The following MYH8 variants were observed in gnomAD, a reference collection of about 807,000 sequenced individuals.
MYH8 encodes the protein myosin-8.
MYH8 carries 168 observed loss-of-function variants against 233.2 expected under a neutral mutation model. That is an observed-to-expected ratio of 0.72 (90% CI 0.64 to 0.82). The LOEUF is 0.82. MYH8 is among the 40% of genes least tolerant of loss of function. The pLI is 0.00. For missense variants in MYH8, 1,995 were observed against 2,327.8 expected (o/e 0.86, Z 2.94); for synonymous variants, 785 against 850.6 (o/e 0.92, Z 1.34).
At chr17:10,416,708 A>G (rs1306549312) in intron 5 of MYH8, among the ~76,000 whole-genome samples, 1 of 152,226 alleles carries the variant, frequency 6.6e-6, no homozygotes, top group Non-Finnish European at 1.5e-5. Context: ...ATTCAAACAT[A>G]TACAGAAGTA....
Position 10,400,659 on chromosome 17 carries a change from C to G in MYH8, c.3466G>C (p.Ala1156Pro). ...LEEISERLEEAGGATSAQVEL... is the reference protein window; with the variant it reads ...LEEISERLEEPGGATSAQVEL... ...ACCTGAGCAGAAGTTGCCCCACCGG[C>G]TTCTTCCAGCCTCTCGCTGATCTCC... The change falls in exon 27 of 40, where the codon GCC (alanine) becomes CCC (proline). Residue 1156 changes from alanine to proline, a missense_variant. Ala to Pro is a conservative substitution (Grantham distance 27, BLOSUM62 -1). Transcript: ENST00000403437. This position sits in a 1 kb window ranked among gnomAD's most constrained non-coding sequence, Gnocchi z 4.0. 6.2e-7 allele frequency: 1 copy of G among 1,614,228 alleles called. No homozygotes were observed. The highest frequency in any genetic ancestry group is 8.5e-7 in the Non-Finnish European group (1 of 1,180,040).
rs775263963 is a variant in MYH8, at chr17:10,404,586, C to G, written c.2433-1G>C. 1.2e-6 allele frequency: 2 copies of G among 1,613,816 alleles called. No homozygotes were observed. The highest frequency in any genetic ancestry group is 1.3e-5 in the African/African-American group (1 of 74,910). ...ATACTGGATGCAGAAAAGTGCTTCT[C>G]TGCGATGACATGAAAATATCAGTGT... On this transcript the variant is annotated splice_acceptor_variant, in intron 21 of 39. Coordinates refer to ENST00000403437, the MANE Select transcript of MYH8 (RefSeq NM_002472.3). LOFTEE classifies it high-confidence loss of function.
intron 28 of MYH8, among the ~76,000 whole-genome samples, chr17:10,399,276 T>C (rs1399886653): frequency 6.6e-6 from 1 of 152,022 alleles, no homozygotes; most frequent in Non-Finnish European, 1.5e-5. Context: ...TGTCTGTTTG[T>C]GTGTGATGTG....
At chr17:10,397,096 T>C in intron 30 of MYH8, 110 bp from the exon 31 acceptor site, 1 of 1,319,374 alleles carries the variant, frequency 7.6e-7, no homozygotes, top group Non-Finnish European at 1.1e-6. Flanking sequence ...TTGTTTCTTT[T>C]TTTGAGAGAC....
intron 19 of MYH8, 128 bp downstream of exon 19, chr17:10,406,562 G>A: frequency 2.2e-6 from 3 of 1,341,428 alleles, no homozygotes; most frequent in African/African-American, 1.4e-5. Flanking sequence ...TCTGTTGCAT[G>A]CCTGCTTCCT....
chr17:10,395,206 A>T lies in MYH8; in HGVS notation c.4889T>A (p.Ile1630Asn). The T allele has an allele frequency of 6.2e-7, 1 of 1,614,064 alleles. No homozygotes were observed. Among genetic ancestry groups the T allele is most frequent in the Non-Finnish European group, 8.5e-7 (1 of 1,180,028 alleles). Reference protein sequence around the residue: ...KMEGDLNEMEIQLNHANRLAA... With the variant: ...KMEGDLNEMENQLNHANRLAA... ...TAAGCGATTGGCATGGTTCAGCTGG[A>T]TTTCCATTTCATTCAGATCTCCTTC... is the stretch of plus-strand genomic sequence containing the variant. The change falls in exon 34 of 40, where the codon ATC becomes AAC. Residue 1630 changes from isoleucine (I) to asparagine (N), a missense_variant. Ile to Asn is a moderately radical substitution (Grantham distance 149, BLOSUM62 -3). Around this residue, in one of 3 missense-constraint regions of MYH8, gnomAD observed 1,498 missense variants for 1,680.9 expected, o/e 0.89. Coordinates refer to ENST00000403437, the MANE Select transcript of MYH8 (RefSeq NM_002472.3).
At chr17:10,393,991 CTTTTTTTTTT>C (rs35512526) in intron 35 of MYH8, among the ~76,000 whole-genome samples, 7 of 36,002 alleles carry the variant, frequency 1.9e-4, no homozygotes, top group South Asian at 1.7e-3. Context: ...AAAGTAATAG[CTTTTTTTTTT>C]TTTTTTTTTT....
In MYH8 at chr17:10,401,404, T is replaced by A. The variant is rs752093481; in HGVS notation, c.2979A>T (p.Ala993=). Reference sequence around the variant, plus strand: ...GAGCCTTCTTCTCCTTGGACAGTTTTGCAATGGTTTCATCCAGGCCTGCCA... The same window carrying A: ...GAGCCTTCTTCTCCTTGGACAGTTTAGCAATGGTTTCATCCAGGCCTGCCA... ...EEMAGLDETI[A]KLSKEKKALQ... is the part of the protein sequence containing the mutation. The change falls in exon 24 of 40, where the codon GCA becomes GCT. Residue 993 remains alanine (A), a synonymous_variant. Transcript: ENST00000403437. 6.2e-7 allele frequency: 1 copy of A among 1,614,030 alleles called. No homozygotes were observed. Among genetic ancestry groups the A allele is most frequent in the Non-Finnish European group, 8.5e-7 (1 of 1,180,016 alleles).
chr17:10,394,552 T>C (rs563278228), intron 34 of MYH8, 100 bp from the exon 35 acceptor site: 6 of 1,401,822 alleles, frequency 4.3e-6, no homozygotes, highest in Non-Finnish European at 5.9e-6. Flanking sequence ...GAACAGAAGA[T>C]GACATATGCC....
Position 10,400,991 on chromosome 17 carries a change from T to G in MYH8, c.3255-32A>C. 1 of 1,613,334 alleles carries G rather than the reference T, an allele frequency of 6.2e-7. No individual in the cohort carries two copies. The highest frequency in any genetic ancestry group is 1.1e-5 in the South Asian group (1 of 91,068). On this transcript the variant is annotated intron_variant, in intron 25 of 39. Transcript: ENST00000403437. This position sits in a 1 kb window ranked among gnomAD's most constrained non-coding sequence, Gnocchi z 4.0. Reference sequence around the variant, plus strand: ...ACAGAAGAGCAAGACGTATTAATACTCATGTGAATTGAAAGATGATATCAC... The same window carrying G: ...ACAGAAGAGCAAGACGTATTAATACGCATGTGAATTGAAAGATGATATCAC...
chr17:10,399,768 A>G, intron 27 of MYH8, 99 bp from the exon 28 acceptor site: 5 of 1,524,746 alleles, frequency 3.3e-6, no homozygotes, highest in Admixed American at 3.5e-5. Flanking sequence ...ATTCATGTCA[A>G]GTGTGAGTAG....
rs756016493 is a variant in MYH8, at chr17:10,415,628, T to C, written c.540-48A>G. The C allele has an allele frequency of 6.2e-7, 1 of 1,613,688 alleles. No homozygotes were observed. The highest frequency in any genetic ancestry group is 8.5e-7 in the Non-Finnish European group (1 of 1,179,572). ...GAGATCAGAGAACTATGGCCTGCATTGTCAACATCTAAGACAATCCTTGCA... is the reference window on the plus strand; with the variant it reads ...GAGATCAGAGAACTATGGCCTGCATCGTCAACATCTAAGACAATCCTTGCA... On this transcript the variant is annotated intron_variant, in intron 6 of 39. Coordinates refer to ENST00000403437, the MANE Select transcript of MYH8 (RefSeq NM_002472.3). The surrounding 1 kb of genome is among the most constrained non-coding windows in gnomAD (Gnocchi z 4.1).
In MYH8 at chr17:10,401,798, T is replaced by G. The variant is rs1402071989; in HGVS notation, c.2689-13A>C. The G allele has an allele frequency of 3.1e-6, 5 of 1,614,068 alleles. No homozygotes were observed. The Admixed American group carries it at 8.3e-5, about 27-fold the overall frequency. On this transcript the variant is annotated splice_polypyrimidine_tract_variant and intron_variant, in intron 22 of 39. Coordinates refer to ENST00000403437, the MANE Select transcript of MYH8 (RefSeq NM_002472.3). Reference sequence around the variant, plus strand: ...AGCTATCTGCTTCCTATGGAGAGATTCATTCAGATACTTAGAGTCTGTTAC... The same window carrying G: ...AGCTATCTGCTTCCTATGGAGAGATGCATTCAGATACTTAGAGTCTGTTAC...
intron 34 of MYH8, 65 bp downstream of exon 34, chr17:10,395,068 G>A (rs1025440901): frequency 7.0e-6 from 11 of 1,580,394 alleles, no homozygotes; most frequent in Non-Finnish European, 9.6e-6. Flanking sequence ...TTAACAAGGT[G>A]TTTGGGAAAT....
In MYH8 at chr17:10,399,580, G is replaced by A. The variant is rs745804094; in HGVS notation, c.3825C>T (p.Asp1275=). The change falls in exon 28 of 40, where the codon GAC becomes GAT. Residue 1275 remains aspartate, a synonymous_variant. Transcript: ENST00000403437. ...KEEEQQRLIN[D]LTAQRARLQT... is the part of the protein sequence containing the mutation. ...GCAGGCGCGCTCTCTGTGCTGTGAG[G>A]TCATTGATCAGCCGCTGCTGCTCCT... 3 of 1,613,954 alleles carry A rather than the reference G, an allele frequency of 1.9e-6. No homozygotes were observed.
intron 38 of MYH8, 115 bp downstream of exon 38, chr17:10,392,427 A>G (rs2142166591): frequency 2.1e-6 from 2 of 967,216 alleles, no homozygotes; most frequent in Admixed American, 1.8e-5. Flanking sequence ...TACTCCTTAC[A>G]TGTACCAAGT....
At chr17:10,399,430 AC>A in intron 28 of MYH8, 112 bp downstream of exon 28, 1 of 1,575,058 alleles carries the variant, frequency 6.3e-7, no homozygotes, top group East Asian at 2.2e-5. Flanking sequence ...TTCTTAGCAA[AC>A]TCTGATCATT....
At position 10,400,127 on chromosome 17, in the gene MYH8, C is replaced by A. The variant is rs2072122456; in HGVS notation, c.3735+263G>T. Reference sequence around the variant, plus strand: ...CTGAGGCAGGAGAGTGGCGTGAACCCGGGAGGCGGAGCTTGCAGTGAGCCG... The same window carrying A: ...CTGAGGCAGGAGAGTGGCGTGAACCAGGGAGGCGGAGCTTGCAGTGAGCCG... On this transcript the variant is annotated intron_variant, in intron 27 of 39. Coordinates refer to ENST00000403437, the MANE Select transcript of MYH8 (RefSeq NM_002472.3). This position sits in a 1 kb window ranked among gnomAD's most constrained non-coding sequence, Gnocchi z 4.0. Among the ~76,000 whole-genome samples the A allele has an allele frequency of 1.3e-5, 2 of 152,044 alleles. No homozygotes were observed. Among genetic ancestry groups the A allele is most frequent in the South Asian group, 4.1e-4 (2 of 4,826 alleles).
rs1286014108 is a variant in MYH8 at position 10,406,750 on chromosome 17, C to G, written c.2111G>C (p.Gly704Ala). 6.2e-6 allele frequency: 10 copies of G among 1,614,034 alleles called. No homozygotes were observed. The South Asian group carries it at 1.1e-4, about 18-fold the overall frequency. ...HQLRCNGVLE[G>A]IRICRKGFPS... ...GAATCCTTTCCTACAGATGCGGATG[C>G]CTTCCAGCACACCATTACACCTCAG... Residue 704 changes from glycine to alanine, a missense_variant, in exon 19 of 40, where the codon GGC becomes GCC. Transcript: ENST00000403437.
Sources: gnomAD v4.1 joint callset for allele counts (sites outside exome capture counted in the v4.1 genomes callset) on GRCh38, gnomAD v4.1.1 for gene constraint, gnomAD v4.1.1 regional missense constraint, Gnocchi (gnomAD v3.1) non-coding constraint, MANE v1.5 for transcripts, NCBI Gene and HGNC (gene_info 2026-07-23, HGNC 2026-07-21) for gene names.